MRPL43: variants seen among roughly 807,000 people sequenced by gnomAD.
The protein encoded by MRPL43 is large ribosomal subunit protein mL43.
In MRPL43, 9 loss-of-function variants were observed where a neutral mutation model predicts 12.7. The ratio of observed to expected loss-of-function variants is 0.71; its 90% CI spans 0.43 to 1.24. The LOEUF (loss-of-function observed/expected upper bound fraction) is 1.24. MRPL43 is among the 50% of genes most tolerant of loss of function. The pLI, the probability that MRPL43 is intolerant of heterozygous loss-of-function variation, is 0.00. For synonymous variants in MRPL43, 116 were observed against 96.4 expected (o/e 1.20, Z -1.19); for missense variants, 211 against 229.2 (o/e 0.92, Z 0.51).
At chr10:100,981,032 T>A, downstream of MRPL43, 1 of 1,595,104 alleles carries the variant, frequency 6.3e-7, no homozygotes, top group Non-Finnish European at 8.5e-7. Flanking sequence ...TCACATGTGG[T>A]CTGAGTGGAG....
chr10:100,978,100 G>A (rs568544014), downstream of MRPL43: 14 of 589,994 alleles, frequency 2.4e-5, no homozygotes, highest in Non-Finnish European at 4.2e-5. Flanking sequence ...TGCAGATTTG[G>A]AACTCCAAAC....
chr10:100,980,789 C>CA (rs764770625), downstream of MRPL43: 1 of 1,555,202 alleles, frequency 6.4e-7, no homozygotes, highest in Admixed American at 2.0e-5. Context: ...TGAGTGGGGA[C>CA]GCTGCCGACC....
chr10:100,983,619 C>A (rs769068051), downstream of MRPL43: 1 of 1,614,100 alleles, frequency 6.2e-7, no homozygotes, highest in Non-Finnish European at 8.5e-7. Flanking sequence ...TGGGGCACAG[C>A]TGGCACCTGA....
downstream of MRPL43, chr10:100,984,337 G>A: frequency 6.9e-7 from 1 of 1,441,996 alleles, no homozygotes; most frequent in Non-Finnish European, 9.1e-7. Context: ...AGCAGCCCAG[G>A]CCCATCGGTG....
At chr10:100,979,091 T>C (rs768827806), downstream of MRPL43, 19 of 1,613,632 alleles carry the variant, frequency 1.2e-5, no homozygotes, top group Admixed American at 1.0e-4. Context: ...CCCGTGCCTC[T>C]ACCTCCCCAG....
In MRPL43 at chr10:100,986,922, A is replaced by G. The variant is rs1198909199; in HGVS notation, c.292T>C (p.Ser98Pro). 6.2e-7 allele frequency: 1 copy of G among 1,610,684 alleles called. No homozygotes were observed. Among genetic ancestry groups the G allele is most frequent in the Non-Finnish European group, 8.5e-7 (1 of 1,180,006 alleles). The change falls in exon 3 of 3, where the codon TCG (serine) becomes CCG (proline). Residue 98 changes from serine to proline, a missense_variant. By Grantham distance (74) the Ser-to-Pro change is moderately conservative. Coordinates refer to ENST00000318364, the MANE Select transcript of MRPL43 (RefSeq NM_032112.3). ...TCGGCCAGCTTCTGCACCAGCGTCG[A>G]GATCTCCTCGACCGACTTGCAGTGG... ...SIHCKSVEEI[S>P]TLVQKLADQS...
At chr10:100,978,914 A>C (rs1297186803), downstream of MRPL43, 5 of 1,614,194 alleles carry the variant, frequency 3.1e-6, no homozygotes, top group Non-Finnish European at 4.2e-6. Flanking sequence ...TGATGATGAC[A>C]AGGTGTACTA....
chr10:100,978,193 C>T, downstream of MRPL43: 1 of 774,662 alleles, frequency 1.3e-6, no homozygotes, highest in Non-Finnish European at 2.2e-6. Flanking sequence ...ACAACCTGCC[C>T]CTATCCCTGA....
downstream of MRPL43, chr10:100,984,592 A>G (rs1204147027): frequency 6.5e-7 from 1 of 1,536,052 alleles, no homozygotes. Context: ...CAGCCACCTA[A>G]GCCCTGCGTA....
At chr10:100,980,991 G>A (rs779066804), downstream of MRPL43, 3 of 1,596,284 alleles carry the variant, frequency 1.9e-6, no homozygotes, top group East Asian at 2.2e-5. Context: ...AGGTCCCAGG[G>A]AAGCAGGTGG....
downstream of MRPL43, chr10:100,980,796 G>T: frequency 1.9e-6 from 3 of 1,550,396 alleles, no homozygotes; most frequent in Non-Finnish European, 2.6e-6. Flanking sequence ...GGACGCTGCC[G>T]ACCAACTGTC....
At chr10:100,981,030 G>A, downstream of MRPL43, 1 of 1,595,158 alleles carries the variant, frequency 6.3e-7, no homozygotes, top group African/African-American at 1.3e-5. Context: ...AGTCACATGT[G>A]GTCTGAGTGG....
At chr10:100,980,533 C>A, downstream of MRPL43, 1 of 1,525,830 alleles carries the variant, frequency 6.6e-7, no homozygotes, top group East Asian at 2.2e-5. Context: ...GTGCTGAGAG[C>A]AGATCCCATA....
downstream of MRPL43, chr10:100,979,007 C>CGTG: frequency 6.2e-7 from 1 of 1,614,050 alleles, no homozygotes; most frequent in Non-Finnish European, 8.5e-7. Context: ...CCGTGTGGCT[C>CGTG]GTGTCTGCAA....
downstream of MRPL43, chr10:100,980,523 G>A: frequency 6.6e-7 from 1 of 1,506,204 alleles, no homozygotes; most frequent in Non-Finnish European, 9.2e-7. Context: ...CTCTTGCAGG[G>A]TGCTGAGAGC....
At chr10:100,984,043 C>T, downstream of MRPL43, 1 of 1,613,700 alleles carries the variant, frequency 6.2e-7, no homozygotes, top group East Asian at 2.2e-5. Context: ...CCAGCAGGGC[C>T]CTGCTCCTTC....
chr10:100,981,041 A>C, downstream of MRPL43: 1 of 1,596,088 alleles, frequency 6.3e-7, no homozygotes, highest in Non-Finnish European at 8.5e-7. Flanking sequence ...GTCTGAGTGG[A>C]GGAGGAAGGC....
At chr10:100,979,754 G>C (rs570088575), downstream of MRPL43, 160 of 1,448,402 alleles carry the variant, frequency 1.1e-4, 1 homozygote, top group African/African-American at 1.9e-3. Context: ...AGCTGGGGTT[G>C]GCCAGGGTAA....
Position 100,987,370 on chromosome 10 carries a change from T to C in MRPL43, c.74A>G (p.Gln25Arg). The C allele has an allele frequency of 6.2e-7, 1 of 1,612,672 alleles. No homozygotes were observed. The highest frequency in any genetic ancestry group is 8.5e-7 in the Non-Finnish European group (1 of 1,179,926). ...GACGCTGAAGCTCAGACGCTGCAGC[T>C]GCTGCACATAGCGACCCAGTCCGTT... ...LHNGLGRYVQ[Q>R]LQRLSFSVSR... The change falls in exon 1 of 3, where the codon CAG becomes CGG. Residue 25 changes from glutamine (Q) to arginine (R), a missense_variant. Physicochemically the swap from Gln to Arg is conservative, Grantham distance 43. Transcript: ENST00000318364.
Sources: gnomAD v4.1 joint callset for allele counts on GRCh38, gnomAD v4.1.1 for gene constraint, MANE v1.5 for transcripts, NCBI Gene and HGNC (gene_info 2026-07-23, HGNC 2026-07-21) for gene names.